ZFAT: variants seen among roughly 807,000 people sequenced by gnomAD.
ZFAT encodes the protein zinc finger protein ZFAT.
In ZFAT, 64 loss-of-function variants were observed where a neutral mutation model predicts 117.7. The observed-to-expected ratio is 0.54, with a 90% confidence interval of 0.44 to 0.67. The LOEUF (loss-of-function observed/expected upper bound fraction) is 0.67. Ranked by LOEUF, ZFAT falls within the 30% of genes least tolerant of loss-of-function variation. ZFAT has a pLI of 0.00. For synonymous variants in ZFAT, 679 were observed against 615.0 expected (o/e 1.10, Z -1.54); for missense variants, 1,433 against 1,584.5 (o/e 0.90, Z 1.62).
chr8:134,535,621 C>A (rs115989809), intron 11 of ZFAT, among the ~76,000 whole-genome samples: 1,544 of 151,934 alleles, frequency 0.01, 38 homozygotes, highest in African/African-American at 0.036. Flanking sequence ...TTGTGCCGCA[C>A]CGCATGTGCT....
the ZFAT span, among the ~76,000 whole-genome samples, chr8:134,721,432 C>A: frequency 6.6e-6 from 1 of 152,298 alleles, no homozygotes; most frequent in East Asian, 1.9e-4. Context: ...GCCTTTCAAA[C>A]CGAGGAGCTC....
intron 5 of ZFAT, among the ~76,000 whole-genome samples, chr8:134,604,710 T>G (rs1827754024): frequency 6.6e-6 from 1 of 152,258 alleles, no homozygotes; most frequent in East Asian, 1.9e-4. Context: ...GGCCTTGTCT[T>G]TAAATTTAAA....
the ZFAT span, among the ~76,000 whole-genome samples, chr8:134,744,926 T>C: frequency 1.3e-5 from 2 of 151,762 alleles, no homozygotes; most frequent in African/African-American, 4.8e-5. Context: ...AGATGGGGTT[T>C]CACCATGTTA....
chr8:134,798,888 G>A, the ZFAT span, among the ~76,000 whole-genome samples: 2 of 151,940 alleles, frequency 1.3e-5, no homozygotes, highest in Non-Finnish European at 2.9e-5. Flanking sequence ...AAATTGATGG[G>A]CAATTCCCAA....
intron 10 of ZFAT, among the ~76,000 whole-genome samples, chr8:134,572,010 G>A (rs2130800171): frequency 6.6e-6 from 1 of 152,230 alleles, no homozygotes; most frequent in East Asian, 1.9e-4. Context: ...TTACATGCAA[G>A]AAAGAAGCCC....
At chr8:134,561,196 T>G (rs1824024954) in intron 11 of ZFAT, among the ~76,000 whole-genome samples, 1 of 152,258 alleles carries the variant, frequency 6.6e-6, no homozygotes, top group Non-Finnish European at 1.5e-5. Flanking sequence ...ATGGTTACAC[T>G]ATGATAATCA....
rs558513293 is a variant in ZFAT, at chr8:134,538,184, A to G, written c.2977-5212T>C. Among the ~76,000 whole-genome samples, 4 of 152,306 alleles carry G rather than the reference A, an allele frequency of 2.6e-5. No individual in the cohort carries two copies. In the East Asian group the frequency reaches 7.7e-4, roughly 29 times the overall value. The stretch of plus-strand genomic sequence containing the variant: ...GGAGCAGGCAGGCAAAAGGAGGTGG[A>G]CTTGGAAGAAGGATGACAGAGGATA... On this transcript the variant is annotated intron_variant, in intron 11 of 15. Coordinates refer to ENST00000377838, the MANE Select transcript of ZFAT (RefSeq NM_020863.4).
At position 134,496,408 on chromosome 8, in the gene ZFAT, G is replaced by A. The variant is rs376901903; in HGVS notation, c.3492+13211C>T. Reference sequence around the variant, plus strand: ...GAGCTGGGGTGACTCCCATGAAACGGGCTTCTCCAGAGATAACCCGTTGTG... The same window carrying A: ...GAGCTGGGGTGACTCCCATGAAACGAGCTTCTCCAGAGATAACCCGTTGTG... On this transcript the variant is annotated intron_variant, in intron 15 of 15. Transcript: ENST00000377838. Among the ~76,000 whole-genome samples the A allele has an allele frequency of 4.7e-4, 72 of 152,298 alleles. 1 individual carries two copies. Among genetic ancestry groups the A allele is most frequent in the African/African-American group, 1.6e-3 (66 of 41,572 alleles).
intron 3 of ZFAT, among the ~76,000 whole-genome samples, chr8:134,627,037 C>A (rs1292961624): frequency 6.6e-6 from 1 of 152,150 alleles, no homozygotes; most frequent in Non-Finnish European, 1.5e-5. Context: ...ATCCATAAGA[C>A]CAGTGGGGGC....
the ZFAT span, among the ~76,000 whole-genome samples, chr8:134,758,913 G>A: frequency 6.6e-6 from 1 of 152,240 alleles, no homozygotes; most frequent in East Asian, 1.9e-4. Flanking sequence ...CAGTGATGTG[G>A]TGCTCCACCT....
At chr8:134,629,590 A>G (rs1015604556) in intron 3 of ZFAT, among the ~76,000 whole-genome samples, 11 of 152,140 alleles carry the variant, frequency 7.2e-5, no homozygotes, top group African/African-American at 1.7e-4. Context: ...TGTTCTCATA[A>G]TAGTGAGATC....
intron 15 of ZFAT, among the ~76,000 whole-genome samples, chr8:134,491,790 T>G (rs1233091322): frequency 6.6e-6 from 1 of 152,236 alleles, no homozygotes; most frequent in African/African-American, 2.4e-5. Flanking sequence ...CATCTTGGAT[T>G]CAGCTAATTA....
At chr8:134,599,140 A>G (rs1056306796) in intron 7 of ZFAT, 3 of 152,270 alleles carry the variant, frequency 2.0e-5, no homozygotes, top group Admixed American at 1.3e-4. Flanking sequence ...GAAGAATTAC[A>G]AACAACATGC....
At chr8:134,514,963 C>T (rs373138867) in intron 13 of ZFAT, among the ~76,000 whole-genome samples, 1 of 152,170 alleles carries the variant, frequency 6.6e-6, no homozygotes, top group East Asian at 1.9e-4. Flanking sequence ...TCCCCTAGCC[C>T]TCCACCCCCA....
the ZFAT span, among the ~76,000 whole-genome samples, chr8:134,774,340 A>G: frequency 1.3e-5 from 2 of 152,192 alleles, no homozygotes; most frequent in African/African-American, 4.8e-5. Context: ...GTAAAATGGT[A>G]TCGAGTGGCA....
At chr8:134,718,888 A>C in the ZFAT span, among the ~76,000 whole-genome samples, 186 of 152,372 alleles carry the variant, frequency 1.2e-3, no homozygotes, top group African/African-American at 4.3e-3. Flanking sequence ...TTAAACGGAT[A>C]GTTCAGCCAT....
intron 1 of ZFAT, among the ~76,000 whole-genome samples, chr8:134,658,375 T>TA (rs1206546528): frequency 1.4e-5 from 2 of 142,180 alleles, no homozygotes; most frequent in Non-Finnish European, 3.1e-5. Flanking sequence ...AACTAAATCC[T>TA]ACCCCTCAAA....
chr8:134,508,436 C>A (rs987794100), intron 15 of ZFAT, among the ~76,000 whole-genome samples: 1 of 152,208 alleles, frequency 6.6e-6, no homozygotes, highest in African/African-American at 2.4e-5. Context: ...AACTGTTTAA[C>A]GTCTCCTTTT....
At chr8:134,691,378 C>T (rs868696684) in intron 1 of ZFAT, among the ~76,000 whole-genome samples, 5 of 152,116 alleles carry the variant, frequency 3.3e-5, no homozygotes, top group African/African-American at 4.8e-5. Flanking sequence ...GGCCAGTCTC[C>T]GCTGCAGCGG....
Sources: gnomAD v4.1 joint callset for allele counts (sites outside exome capture counted in the v4.1 genomes callset) on GRCh38, gnomAD v4.1.1 for gene constraint, MANE v1.5 for transcripts, NCBI Gene and HGNC (gene_info 2026-07-23, HGNC 2026-07-21) for gene names.